WDR70: variants seen among roughly 807,000 people sequenced by gnomAD.
The protein encoded by WDR70 is WD repeat domain 70.
A neutral mutation model predicts 88.6 loss-of-function variants in WDR70; 53 were observed. The observed-to-expected ratio is 0.60, with a 90% CI of 0.48 to 0.75. WDR70 has a LOEUF of 0.75. Ranked by LOEUF, WDR70 falls within the 30% of genes least tolerant of loss-of-function variation. WDR70 has a pLI of 0.00. For synonymous variants in WDR70, 280 were observed against 270.0 expected (o/e 1.04, Z -0.36); for missense variants, 610 against 823.2 (o/e 0.74, Z 3.17).
chr5:37,743,301 A>G (rs1748539837), intron 17 of WDR70, among the ~76,000 whole-genome samples: 2 of 152,238 alleles, frequency 1.3e-5, no homozygotes, highest in African/African-American at 4.8e-5. Context: ...CACGGATCAG[A>G]AGATCCCACT....
intron 10 of WDR70, among the ~76,000 whole-genome samples, chr5:37,692,327 A>C (rs1247603804): frequency 6.6e-6 from 1 of 152,224 alleles, no homozygotes; most frequent in Admixed American, 6.5e-5. Context: ...GAACTATTAC[A>C]ATCAATGGAA....
intron 10 of WDR70, among the ~76,000 whole-genome samples, chr5:37,686,523 T>C (rs564270136): frequency 6.7e-6 from 1 of 148,902 alleles, no homozygotes; most frequent in African/African-American, 2.5e-5. Context: ...AGCCCAGGAG[T>C]TCATGACCAG....
intron 17 of WDR70, among the ~76,000 whole-genome samples, chr5:37,729,459 T>C (rs6878165): frequency 0.96 from 146,783 of 152,302 alleles, 70,993 homozygotes; most frequent in East Asian, 1. Context: ...CAGTCCTGTA[T>C]CACAGGTTCC....
At chr5:37,588,536 C>A (rs936092676) in intron 9 of WDR70, among the ~76,000 whole-genome samples, 13 of 151,634 alleles carry the variant, frequency 8.6e-5, no homozygotes, top group Non-Finnish European at 1.8e-4. Context: ...CCTTAACTTT[C>A]TTTTTTCCCC....
At chr5:37,619,076 T>C (rs1380111993) in intron 10 of WDR70, among the ~76,000 whole-genome samples, 1 of 152,208 alleles carries the variant, frequency 6.6e-6, no homozygotes, top group East Asian at 1.9e-4. Context: ...GAAAATGATT[T>C]TATAAAACGT....
intron 8 of WDR70, among the ~76,000 whole-genome samples, chr5:37,505,514 A>G (rs1740533099): frequency 6.6e-6 from 1 of 152,044 alleles, no homozygotes; most frequent in Non-Finnish European, 1.5e-5. Context: ...CAGAATATGG[A>G]AAAAAAGTCA....
intron 5 of WDR70, among the ~76,000 whole-genome samples, chr5:37,404,016 C>T (rs764106383): frequency 5.4e-4 from 83 of 152,310 alleles, no homozygotes; most frequent in Non-Finnish European, 9.8e-4. Flanking sequence ...GTTGGGATTA[C>T]AGATGTGAAC....
At chr5:37,578,640 TA>T (rs1473139661) in intron 9 of WDR70, among the ~76,000 whole-genome samples, 1 of 152,258 alleles carries the variant, frequency 6.6e-6, no homozygotes, top group Non-Finnish European at 1.5e-5. Flanking sequence ...ATTTTCTTCC[TA>T]TAATTAAATG....
intron 9 of WDR70, among the ~76,000 whole-genome samples, chr5:37,547,177 G>T (rs1433452178): frequency 2.6e-5 from 4 of 152,140 alleles, no homozygotes; most frequent in Admixed American, 6.5e-5. Flanking sequence ...TGGTGACCCT[G>T]TTGGCCATTT....
intron 13 of WDR70, among the ~76,000 whole-genome samples, chr5:37,707,679 C>A (rs1747366844): frequency 6.6e-6 from 1 of 151,300 alleles, no homozygotes; most frequent in Non-Finnish European, 1.5e-5. Flanking sequence ...CTTTGGGAGG[C>A]CAAGGCAGGT....
chr5:37,561,300 A>G (rs1742496138), intron 9 of WDR70, among the ~76,000 whole-genome samples: 2 of 152,210 alleles, frequency 1.3e-5, no homozygotes, highest in East Asian at 1.9e-4. Flanking sequence ...TGCTAGAAAA[A>G]TGGACCGATC....
intron 5 of WDR70, among the ~76,000 whole-genome samples, chr5:37,415,379 C>T (rs1436919323): frequency 7.6e-6 from 1 of 132,112 alleles, no homozygotes; most frequent in Non-Finnish European, 1.8e-5. Context: ...CACCCCTCAC[C>T]TCCCGGACGG....
At chr5:37,502,839 C>G (rs1043170779) in intron 8 of WDR70, among the ~76,000 whole-genome samples, 4 of 152,160 alleles carry the variant, frequency 2.6e-5, no homozygotes, top group African/African-American at 9.7e-5. Context: ...TTGTTACACA[C>G]TTTTAAATGA....
intron 10 of WDR70, 23 bp downstream of exon 10, chr5:37,605,261 A>G: frequency 6.3e-7 from 1 of 1,581,290 alleles, no homozygotes; most frequent in Middle Eastern, 1.7e-4. Flanking sequence ...TTTTCTTAGA[A>G]CATGGCCACC....
intron 9 of WDR70, among the ~76,000 whole-genome samples, chr5:37,526,318 G>A (rs1056219410): frequency 6.6e-6 from 1 of 152,104 alleles, no homozygotes; most frequent in East Asian, 1.9e-4. Context: ...GGGATGCAAG[G>A]CTGGTTCAAC....
chr5:37,492,941 C>T (rs1740108302), intron 8 of WDR70, among the ~76,000 whole-genome samples: 1 of 152,148 alleles, frequency 6.6e-6, no homozygotes, highest in Non-Finnish European at 1.5e-5. Flanking sequence ...AGTATTCAGT[C>T]ACACTGGACT....
intron 17 of WDR70, among the ~76,000 whole-genome samples, chr5:37,730,859 C>T (rs1371077372): frequency 6.6e-6 from 1 of 152,070 alleles, no homozygotes; most frequent in Non-Finnish European, 1.5e-5. Flanking sequence ...CATTATTCGG[C>T]GCTATTTGCC....
At chr5:37,584,414 T>G (rs1469542931) in intron 9 of WDR70, among the ~76,000 whole-genome samples, 1 of 152,256 alleles carries the variant, frequency 6.6e-6, no homozygotes, top group Non-Finnish European at 1.5e-5. Flanking sequence ...ACTTCTAAAG[T>G]AATATTGACT....
chr5:37,584,697 G>C (rs186718425), intron 9 of WDR70, among the ~76,000 whole-genome samples: 25 of 152,100 alleles, frequency 1.6e-4, no homozygotes, highest in African/African-American at 5.8e-4. Context: ...TTAAACTTTA[G>C]CAGTTTGTTG....
Sources: gnomAD v4.1 joint callset for allele counts (sites outside exome capture counted in the v4.1 genomes callset) on GRCh38, gnomAD v4.1.1 for gene constraint, MANE v1.5 for transcripts, NCBI Gene and HGNC (gene_info 2026-07-23, HGNC 2026-07-21) for gene names.